Variants in MEI4 observed in about 807,000 individuals in gnomAD.
The protein encoded by MEI4 is meiosis-specific protein MEI4.
MEI4 carries 27 observed loss-of-function variants against 31.4 expected under a neutral mutation model. The ratio of observed to expected loss-of-function variants is 0.86; its 90% CI spans 0.63 to 1.19. The LOEUF (loss-of-function observed/expected upper bound fraction) is 1.19, where lower values mean the gene tolerates loss of function less well. Ranked by LOEUF, MEI4 falls within the 50% of genes most tolerant of loss-of-function variation. MEI4 has a pLI of 0.00. For synonymous variants in MEI4, 122 were observed against 145.4 expected, an observed-to-expected ratio of 0.84 and a Z score of 1.16; for missense variants, 329 against 398.9, an observed-to-expected ratio of 0.82 and a Z score of 1.49.
chr6:77,820,814 T>C lies in MEI4; in HGVS notation c.769-8117T>C, dbSNP rs1769805755. ...CTTCTGTTAGTATACATTATACTTC[T>C]TTCCTCTGTGAATTCTTGTTGTTTC... On this transcript the variant is annotated intron_variant, in intron 3 of 4. Transcript: ENST00000684080. The surrounding 1 kb of genome is among the most constrained non-coding windows in gnomAD (Gnocchi z 4.5). Among the ~76,000 whole-genome samples, 1 of 152,110 alleles carries C rather than the reference T, an allele frequency of 6.6e-6. No individual in the cohort carries two copies. The highest frequency in any genetic ancestry group is 1.5e-5 in the Non-Finnish European group (1 of 68,008).
At chr6:77,684,977 A>C (rs546010131) in intron 1 of MEI4, among the ~76,000 whole-genome samples, 1 of 152,274 alleles carries the variant, frequency 6.6e-6, no homozygotes, top group East Asian at 1.9e-4. Context: ...AACAGTGTAC[A>C]AAGGTTCCCT....
intron 2 of MEI4, among the ~76,000 whole-genome samples, chr6:77,707,482 C>T (rs958896188): frequency 2.6e-5 from 4 of 152,168 alleles, no homozygotes; most frequent in African/African-American, 4.8e-5. Context: ...AAATTCTCAT[C>T]CTGACCATGA....
At chr6:77,757,465 G>A (rs1400697773) in intron 2 of MEI4, among the ~76,000 whole-genome samples, 1 of 152,166 alleles carries the variant, frequency 6.6e-6, no homozygotes, top group Non-Finnish European at 1.5e-5. Flanking sequence ...GTGTATTCCT[G>A]TCCCCATAGC....
chr6:77,883,717 G>GATATATAGATATATAT (rs1554172071), intron 4 of MEI4, among the ~76,000 whole-genome samples: 1 of 43,338 alleles, frequency 2.3e-5, no homozygotes, highest in African/African-American at 1.9e-4. Flanking sequence ...TATTATGTAA[G>GATATATAGATATATAT]ATATATATAT....
chr6:77,827,780 T>C (rs1769990514), intron 3 of MEI4, among the ~76,000 whole-genome samples: 1 of 152,178 alleles, frequency 6.6e-6, no homozygotes, highest in Non-Finnish European at 1.5e-5. Context: ...AAGTGTCAAT[T>C]AAAATGTAAG....
chr6:77,732,524 T>G (rs1296052938), intron 2 of MEI4, among the ~76,000 whole-genome samples: 4 of 149,506 alleles, frequency 2.7e-5, no homozygotes, highest in Non-Finnish European at 6.0e-5. Flanking sequence ...TAAGGAGATT[T>G]TGGGCTGAGA....
chr6:77,790,575 A>G (rs1768894077), intron 3 of MEI4, among the ~76,000 whole-genome samples: 1 of 152,006 alleles, frequency 6.6e-6, no homozygotes, highest in African/African-American at 2.4e-5. Context: ...AAAAACTAAA[A>G]ATTAACAAAA....
At chr6:77,863,008 G>A (rs9343681) in intron 4 of MEI4, among the ~76,000 whole-genome samples, 21,315 of 152,200 alleles carry the variant, frequency 0.14, 1,771 homozygotes, top group East Asian at 0.39. Flanking sequence ...ACCTGCAGCT[G>A]AAGGTCTTGA....
At chr6:77,799,260 T>TA (rs1445851076) in intron 3 of MEI4, among the ~76,000 whole-genome samples, 6 of 152,224 alleles carry the variant, frequency 3.9e-5, no homozygotes, top group African/African-American at 1.2e-4. Flanking sequence ...TGAGCATTTT[T>TA]TCCTGTGTTT....
At chr6:77,797,280 G>A (rs972902026) in intron 3 of MEI4, among the ~76,000 whole-genome samples, 1 of 152,082 alleles carries the variant, frequency 6.6e-6, no homozygotes, top group African/African-American at 2.4e-5. Context: ...ATTGGTCTTG[G>A]CAGTGATTTT....
intron 3 of MEI4, among the ~76,000 whole-genome samples, chr6:77,814,887 T>C (rs557692919): frequency 2.8e-4 from 42 of 152,266 alleles, no homozygotes; most frequent in Non-Finnish European, 5.4e-4. Flanking sequence ...CTGGCCATTG[T>C]CCTTAACCTT....
chr6:77,691,268 G>C (rs1029896568), intron 2 of MEI4, among the ~76,000 whole-genome samples: 1 of 152,024 alleles, frequency 6.6e-6, no homozygotes, highest in African/African-American at 2.4e-5. Flanking sequence ...TGTGTGGGTG[G>C]TGAGGACTCC....
chr6:77,804,172 C>A (rs550097678), intron 3 of MEI4, among the ~76,000 whole-genome samples: 1 of 152,150 alleles, frequency 6.6e-6, no homozygotes, highest in Non-Finnish European at 1.5e-5. Context: ...TCAGCAATGG[C>A]GGACGCCCCT....
intron 4 of MEI4, among the ~76,000 whole-genome samples, chr6:77,829,291 A>G (rs1345030136): frequency 1.3e-5 from 2 of 152,172 alleles, no homozygotes; most frequent in Non-Finnish European, 2.9e-5. Context: ...ATATGTGCCA[A>G]AGATGCCATT....
chr6:77,659,285 G>A (rs1768456901), intron 1 of MEI4, among the ~76,000 whole-genome samples: 1 of 152,146 alleles, frequency 6.6e-6, no homozygotes, highest in South Asian at 2.1e-4. Context: ...TGAATTTTGG[G>A]GGTAAGGAAG....
chr6:77,896,314 C>A (rs888449972), intron 4 of MEI4, among the ~76,000 whole-genome samples: 9 of 152,080 alleles, frequency 5.9e-5, no homozygotes, highest in African/African-American at 2.2e-4. Flanking sequence ...TGAGTCAAAT[C>A]ACAGGATGTT....
intron 2 of MEI4, among the ~76,000 whole-genome samples, chr6:77,726,776 C>T (rs1228791266): frequency 6.6e-6 from 1 of 152,008 alleles, no homozygotes; most frequent in African/African-American, 2.4e-5. Flanking sequence ...GACTAGGATG[C>T]TAGCAAGGCT....
intron 2 of MEI4, among the ~76,000 whole-genome samples, chr6:77,728,201 C>T (rs1036382822): frequency 6.6e-6 from 1 of 152,026 alleles, no homozygotes; most frequent in Non-Finnish European, 1.5e-5. Context: ...TTTTTCAATA[C>T]AATAATGAAG....
intron 3 of MEI4, among the ~76,000 whole-genome samples, chr6:77,805,019 T>A (rs1463390525): frequency 6.6e-6 from 1 of 152,198 alleles, no homozygotes; most frequent in Non-Finnish European, 1.5e-5. Context: ...CATTTTGAAA[T>A]TATATTGAGA....
Sources: allele counts gnomAD v4.1 joint callset (sites outside exome capture counted in the v4.1 genomes callset), GRCh38; gene constraint gnomAD v4.1.1; non-coding constraint Gnocchi (gnomAD v3.1); transcripts MANE v1.5; gene names NCBI Gene and HGNC (gene_info 2026-07-23, HGNC 2026-07-21).